SAR1A: variants seen among roughly 807,000 people sequenced by gnomAD.
The protein encoded by SAR1A is secretion associated Ras related GTPase 1A.
In SAR1A, 6 loss-of-function variants were observed where a neutral mutation model predicts 22.6. That is an observed-to-expected ratio of 0.27 (90% CI 0.15 to 0.52). The LOEUF (loss-of-function observed/expected upper bound fraction) is 0.52. SAR1A is among the 20% of genes least tolerant of loss of function. The probability of loss-of-function intolerance (pLI) is 0.96; values close to 1 mark genes in which losing one functional copy is unlikely to be tolerated. For synonymous variants in SAR1A, 70 were observed against 82.2 expected, an observed-to-expected ratio of 0.85 and a Z score of 0.80; for missense variants, 145 against 245.1, an observed-to-expected ratio of 0.59 and a Z score of 2.73.
chr10:70,158,408 A>C (rs1297001413), intron 4 of SAR1A, among the ~76,000 whole-genome samples: 1 of 152,212 alleles, frequency 6.6e-6, no homozygotes, highest in African/African-American at 2.4e-5. Context: ...GCCCTTAGGG[A>C]GACTAGGCCT....
At position 70,161,629 on chromosome 10, in the gene SAR1A, T is replaced by C. The variant is rs1839468440; in HGVS notation, c.168A>G (p.Thr56=). Residue 56 remains threonine (T), a synonymous_variant, in exon 3 of 7, where the codon ACA becomes ACG. Transcript: ENST00000373241. ...KDDRLGQHVP[T]LHPTSEELTI... Reference sequence around the variant, plus strand: ...TATTTTCAAACCTACTCGGATGTAGTGTTGGAACATGTTGGCCCAATCTGT... The same window carrying C: ...TATTTTCAAACCTACTCGGATGTAGCGTTGGAACATGTTGGCCCAATCTGT... 1 of 1,612,172 alleles carries C rather than the reference T, an allele frequency of 6.2e-7. No homozygotes were observed. The highest frequency in any genetic ancestry group is 1.1e-5 in the South Asian group (1 of 91,002).
intron 5 of SAR1A, chr10:70,155,106 A>C (rs1839370503): frequency 1.9e-6 from 1 of 528,262 alleles, no homozygotes; most frequent in Admixed American, 2.0e-5. Flanking sequence ...CCAGTGTGAG[A>C]AGTGAGCTGC....
At chr10:70,159,628 C>A (rs940104923) in intron 4 of SAR1A, among the ~76,000 whole-genome samples, 11 of 152,086 alleles carry the variant, frequency 7.2e-5, no homozygotes, top group African/African-American at 2.4e-4. Flanking sequence ...CAGAGCAAGA[C>A]CCCATCTCAA....
chr10:70,156,717 T>C (rs1241463972), intron 5 of SAR1A, among the ~76,000 whole-genome samples: 1 of 150,140 alleles, frequency 6.7e-6, no homozygotes, highest in Non-Finnish European at 1.5e-5. Flanking sequence ...GGCAGGCAAT[T>C]CTACATGAGG....
intron 5 of SAR1A, 109 bp from the exon 6 acceptor site, chr10:70,154,078 A>G: frequency 1.3e-6 from 1 of 793,838 alleles, no homozygotes; most frequent in Admixed American, 3.1e-5. Context: ...TTAAGGCATT[A>G]ATGTAAAGTG....
rs919400549 is a variant in SAR1A at position 70,147,639 on chromosome 10, A to G, written c.*4837T>C. On this transcript the variant is annotated 3_prime_UTR_variant, in exon 7 of 7. Coordinates refer to ENST00000373241, the MANE Select transcript of SAR1A (RefSeq NM_020150.5). The stretch of plus-strand genomic sequence containing the variant: ...CCTTTCTTTGCTCACAGGCCATACA[A>G]ACACAGGCAGCAGGCCCGATTTGAC... 1 of 152,224 alleles carries G rather than the reference A, an allele frequency of 6.6e-6. No homozygotes were observed. The highest frequency in any genetic ancestry group is 2.4e-5 in the African/African-American group (1 of 41,446). 9.4% of individuals were successfully genotyped at this position (152,224 alleles called of 1,614,324 possible).
chr10:70,152,117 A>G lies in SAR1A; in HGVS notation c.*359T>C, dbSNP rs190297266. Reference sequence around the variant, plus strand: ...AAAAGTTAGGAGGGATACCAATTACATTAACAACGCTTTCTTTAAAAAATA... The same window carrying G: ...AAAAGTTAGGAGGGATACCAATTACGTTAACAACGCTTTCTTTAAAAAATA... On this transcript the variant is annotated 3_prime_UTR_variant, in exon 7 of 7. Transcript: ENST00000373241. 2.3e-3 allele frequency: 643 copies of G among 280,154 alleles called. 7 individuals are homozygous for G. The highest frequency in any genetic ancestry group is 0.013 in the African/African-American group (608 of 45,776). 17.4% of individuals were successfully genotyped at this position (280,154 alleles called of 1,614,324 possible).
Position 70,157,764 on chromosome 10 carries a change from A to G in SAR1A, c.348T>C (p.Asn116=). ...ATACACATTAAAGGACAAAACATAC[A>G]TTAAGCTCAACTTTGGATTCCACGA... The part of the protein sequence containing the change: ...SRLVESKVEL[N]ALMTDETISN... The change falls in exon 5 of 7, where the codon AAT becomes AAC. Residue 116 remains asparagine, a splice_region_variant and synonymous_variant. Coordinates refer to ENST00000373241, the MANE Select transcript of SAR1A (RefSeq NM_020150.5). The G allele has an allele frequency of 1.9e-6, 3 of 1,609,074 alleles. No individual in the cohort carries two copies. The highest frequency in any genetic ancestry group is 2.6e-6 in the Non-Finnish European group (3 of 1,175,628).
chr10:70,162,166 T>A (rs1403958329), intron 1 of SAR1A, among the ~76,000 whole-genome samples: 1 of 151,732 alleles, frequency 6.6e-6, no homozygotes, highest in Non-Finnish European at 1.5e-5. Flanking sequence ...AAAGCTGGAC[T>A]CAATCTCTAC....
intron 2 of SAR1A, 27 bp from the exon 3 acceptor site, chr10:70,161,765 A>C (rs1367055250): frequency 6.2e-7 from 1 of 1,613,762 alleles, no homozygotes; most frequent in Non-Finnish European, 8.5e-7. Flanking sequence ...TTGTTAACAC[A>C]TTTGCTCTCT....
rs1839333488 is a variant in SAR1A at position 70,152,155 on chromosome 10, T to C, written c.*321A>G. Reference sequence around the variant, plus strand: ...TCTTTAAAAAATAGAATCACTTTCTTTTGAATCAACCACAGTGGTGAGACG... The same window carrying C: ...TCTTTAAAAAATAGAATCACTTTCTCTTGAATCAACCACAGTGGTGAGACG... On this transcript the variant is annotated 3_prime_UTR_variant, in exon 7 of 7. Transcript: ENST00000373241. 3.1e-6 allele frequency: 1 copy of C among 318,044 alleles called. No homozygotes were observed. The highest frequency in any genetic ancestry group is 6.1e-6 in the Non-Finnish European group (1 of 163,492). The allele number at this position is 318,044 out of a possible 1,614,324, so 19.7% of individuals were successfully genotyped here.
chr10:70,153,746 C>A, intron 6 of SAR1A, 92 bp downstream of exon 6: 1 of 1,092,690 alleles, frequency 9.2e-7, no homozygotes, highest in Non-Finnish European at 1.3e-6. Flanking sequence ...CTGTTTAAGC[C>A]TTTAAAAGAA....
intron 3 of SAR1A, 69 bp from the exon 4 acceptor site, chr10:70,161,138 G>A (rs1839462908): frequency 9.2e-7 from 1 of 1,088,920 alleles, no homozygotes; most frequent in Admixed American, 2.0e-5. Context: ...AGTACTATAA[G>A]CCAATATCAA....
chr10:70,156,848 T>C (rs998778702), intron 5 of SAR1A, among the ~76,000 whole-genome samples: 1 of 151,146 alleles, frequency 6.6e-6, no homozygotes, highest in African/African-American at 2.4e-5. Flanking sequence ...GGTAAAGGAG[T>C]AGGGATAACA....
chr10:70,161,837 A>G, intron 2 of SAR1A, 21 bp downstream of exon 2: 1 of 1,613,038 alleles, frequency 6.2e-7, no homozygotes, highest in Middle Eastern at 1.7e-4. Context: ...TGAAACCTGT[A>G]TTTCAAGGAA....
chr10:70,151,238 T>C lies in SAR1A; in HGVS notation c.*1238A>G, dbSNP rs1004746624. On this transcript the variant is annotated 3_prime_UTR_variant, in exon 7 of 7. Transcript: ENST00000373241. ...GTGTTTCCCTAGCTTATTTCTGCAA[T>C]GGAGAAAGACAATTTCATACCAAAA... The C allele has an allele frequency of 1.4e-5, 1 of 71,798 alleles. No homozygotes were observed. The highest frequency in any genetic ancestry group is 5.1e-5 in the African/African-American group (1 of 19,430). 4.4% of individuals were successfully genotyped at this position (71,798 alleles called of 1,614,324 possible). A position where few individuals can be genotyped will look rare whatever the true frequency, so the allele number is the denominator to read the frequency against.
chr10:70,168,735 G>T (rs1839585140), intron 1 of SAR1A, among the ~76,000 whole-genome samples: 1 of 152,146 alleles, frequency 6.6e-6, no homozygotes, highest in African/African-American at 2.4e-5. Context: ...GAGGCTGACT[G>T]AAGAAACTCT....
At chr10:70,163,840 T>C in intron 1 of SAR1A, 6 of 1,533,626 alleles carry the variant, frequency 3.9e-6, no homozygotes, top group Non-Finnish European at 5.4e-6. Context: ...CAGGACATGA[T>C]TAATGAAGTA....
In SAR1A at chr10:70,152,409, T is replaced by C. The variant is rs1022545458; in HGVS notation, c.*67A>G. The C allele has an allele frequency of 8.0e-7, 1 of 1,256,952 alleles. No homozygotes were observed. Among genetic ancestry groups the C allele is most frequent in the Non-Finnish European group, 1.2e-6 (1 of 856,484 alleles). The allele number at this position is 1,256,952 out of a possible 1,614,324, so 77.9% of individuals were successfully genotyped here. ...GCTTTCCTTGTTCTATTAGAAAAGT[T>C]CATGAGGAAGCTGTGAATAGGATCA... is the stretch of plus-strand genomic sequence containing the variant. On this transcript the variant is annotated 3_prime_UTR_variant, in exon 7 of 7. Coordinates refer to ENST00000373241, the MANE Select transcript of SAR1A (RefSeq NM_020150.5).
Sources: allele counts gnomAD v4.1 joint callset (sites outside exome capture counted in the v4.1 genomes callset), GRCh38; gene constraint gnomAD v4.1.1; transcripts MANE v1.5; gene names NCBI Gene and HGNC (gene_info 2026-07-23, HGNC 2026-07-21).